The following TAS2R1 variants were observed in gnomAD, a reference collection of about 807,000 sequenced individuals.
The protein encoded by TAS2R1 is taste 2 receptor member 1.
For synonymous variants in TAS2R1, 141 were observed against 134.2 expected (o/e 1.05, Z -0.35); for missense variants, 370 against 353.4 (o/e 1.05, Z -0.38).
At chr5:9,834,484 A>T in the TAS2R1 span, among the ~76,000 whole-genome samples, 2 of 152,232 alleles carry the variant, frequency 1.3e-5, no homozygotes, top group Admixed American at 6.5e-5. Flanking sequence ...AAACAGTTTT[A>T]AAAAATGCCC....
At chr5:9,789,558 T>C in the TAS2R1 span, among the ~76,000 whole-genome samples, 522 of 152,324 alleles carry the variant, frequency 3.4e-3, no homozygotes, top group Non-Finnish European at 5.0e-3. Flanking sequence ...ATTTTTCAAA[T>C]GACTGAGAAA....
intron 1 of TAS2R1, among the ~76,000 whole-genome samples, chr5:9,681,340 C>T (rs956506369): frequency 3.3e-5 from 5 of 151,574 alleles, no homozygotes; most frequent in Admixed American, 6.6e-5. Context: ...AATCTAAAAA[C>T]ATCCTAAAAA....
At chr5:9,700,147 C>T (rs966459639) in intron 1 of TAS2R1, among the ~76,000 whole-genome samples, 2 of 152,174 alleles carry the variant, frequency 1.3e-5, no homozygotes, top group African/African-American at 2.4e-5. Flanking sequence ...TGAGGCATTT[C>T]CTCATCCATT....
chr5:9,662,107 C>T (rs1740549576), intron 1 of TAS2R1, among the ~76,000 whole-genome samples: 1 of 152,148 alleles, frequency 6.6e-6, no homozygotes. Context: ...CTCAGAACAG[C>T]CTCCATGCCA....
the TAS2R1 span, among the ~76,000 whole-genome samples, chr5:9,897,697 C>G: frequency 6.6e-6 from 1 of 151,952 alleles, no homozygotes; most frequent in African/African-American, 2.4e-5. Flanking sequence ...TTTCTTTTTT[C>G]TTTTTGCTGA....
At chr5:9,874,075 T>C in the TAS2R1 span, among the ~76,000 whole-genome samples, 3 of 152,032 alleles carry the variant, frequency 2.0e-5, no homozygotes, top group African/African-American at 7.2e-5. Flanking sequence ...AGTTGGAGTT[T>C]ATTTTAGGAC....
the TAS2R1 span, among the ~76,000 whole-genome samples, chr5:9,805,177 C>T: frequency 2.0e-5 from 3 of 151,806 alleles, no homozygotes; most frequent in Admixed American, 1.3e-4. Context: ...ATATACAATC[C>T]TCCTAAATTA....
intron 1 of TAS2R1, among the ~76,000 whole-genome samples, chr5:9,699,923 C>A (rs1741442288): frequency 6.6e-6 from 1 of 151,918 alleles, no homozygotes; most frequent in Non-Finnish European, 1.5e-5. Flanking sequence ...AAGGAAGAAT[C>A]ACAAGTATGC....
At chr5:9,852,095 A>G in the TAS2R1 span, among the ~76,000 whole-genome samples, 1 of 152,218 alleles carries the variant, frequency 6.6e-6, no homozygotes, top group East Asian at 1.9e-4. Context: ...AATGGAAGGT[A>G]TAGTATATTA....
At chr5:9,720,436 G>A in the TAS2R1 span, among the ~76,000 whole-genome samples, 4 of 152,196 alleles carry the variant, frequency 2.6e-5, no homozygotes, top group Non-Finnish European at 4.4e-5. Flanking sequence ...ACGGAAATGT[G>A]GAATGTACCT....
chr5:9,852,817 T>C, the TAS2R1 span, among the ~76,000 whole-genome samples: 1 of 150,654 alleles, frequency 6.6e-6, no homozygotes, highest in Non-Finnish European at 1.5e-5. Flanking sequence ...ACTGGTAGCT[T>C]CTATCTTTGG....
the TAS2R1 span, among the ~76,000 whole-genome samples, chr5:9,845,955 A>G: frequency 2.6e-5 from 4 of 152,348 alleles, no homozygotes; most frequent in African/African-American, 9.6e-5. Flanking sequence ...TGCCAAATAA[A>G]ATGTAAAGGA....
At chr5:9,698,829 T>C (rs1189639200) in intron 1 of TAS2R1, among the ~76,000 whole-genome samples, 1 of 152,208 alleles carries the variant, frequency 6.6e-6, no homozygotes, top group Non-Finnish European at 1.5e-5. Flanking sequence ...AAGAATATTA[T>C]CTTGTAAATG....
the TAS2R1 span, among the ~76,000 whole-genome samples, chr5:9,832,863 G>A: frequency 1.8e-4 from 28 of 152,326 alleles, 1 homozygote; most frequent in South Asian, 2.1e-4. Flanking sequence ...GGATGTACTC[G>A]TGACAGTGAC....
chr5:9,822,048 A>C, the TAS2R1 span, among the ~76,000 whole-genome samples: 3 of 152,212 alleles, frequency 2.0e-5, no homozygotes, highest in Non-Finnish European at 4.4e-5. Flanking sequence ...TCTTGCTGTC[A>C]GTAACACCTG....
the TAS2R1 span, among the ~76,000 whole-genome samples, chr5:9,776,327 G>A: frequency 2.6e-5 from 4 of 152,336 alleles, no homozygotes; most frequent in African/African-American, 9.6e-5. Context: ...TAATAGGGGA[G>A]GGATGGTGTC....
At chr5:9,834,470 AT>A in the TAS2R1 span, among the ~76,000 whole-genome samples, 2 of 152,238 alleles carry the variant, frequency 1.3e-5, no homozygotes, top group Non-Finnish European at 2.9e-5. Flanking sequence ...CTGGGTACAC[AT>A]AAAAACAGTT....
intron 2 of TAS2R1, among the ~76,000 whole-genome samples, chr5:9,651,576 TA>T (rs1283166971): frequency 6.6e-6 from 1 of 152,162 alleles, no homozygotes; most frequent in Admixed American, 6.6e-5. Flanking sequence ...GAGAAATCCA[TA>T]ACAGATTTTA....
At chr5:9,862,370 A>G in the TAS2R1 span, among the ~76,000 whole-genome samples, 1 of 152,074 alleles carries the variant, frequency 6.6e-6, no homozygotes, top group Non-Finnish European at 1.5e-5. Flanking sequence ...TAGTACCTTT[A>G]GTTTGTGGGC....
Sources: gnomAD v4.1 joint callset for allele counts (sites outside exome capture counted in the v4.1 genomes callset) on GRCh38, gnomAD v4.1.1 for gene constraint, MANE v1.5 for transcripts, NCBI Gene and HGNC (gene_info 2026-07-23, HGNC 2026-07-21) for gene names.